The following MCTP2 variants were observed in gnomAD, a reference collection of about 807,000 sequenced individuals.
The protein encoded by MCTP2 is multiple C2 and transmembrane domain containing 2, also known as multiple C2 and transmembrane domain-containing protein 2.
In MCTP2, 132 loss-of-function variants were observed where a neutral mutation model predicts 111.6. The ratio of observed to expected loss-of-function variants is 1.18; its 90% CI spans 1.03 to 1.37. The LOEUF (loss-of-function observed/expected upper bound fraction) is 1.37. Among genes scored for constraint, MCTP2 ranks in the 40% most tolerant of loss-of-function variants. The probability of loss-of-function intolerance (pLI) is 0.00; values close to 1 mark genes in which losing one functional copy is unlikely to be tolerated. For missense variants in MCTP2, 1,183 were observed against 1,067.9 expected, an observed-to-expected ratio of 1.11 and a Z score of -1.50; for synonymous variants, 395 against 387.7, an observed-to-expected ratio of 1.02 and a Z score of -0.22.
chr15:94,307,028 G>T (rs892689325), intron 2 of MCTP2, among the ~76,000 whole-genome samples: 1 of 152,136 alleles, frequency 6.6e-6, no homozygotes, highest in Non-Finnish European at 1.5e-5. Context: ...GTGTCAGAGA[G>T]GCAGGTGTGT....
At chr15:94,303,580 A>C (rs1181885643) in intron 2 of MCTP2, among the ~76,000 whole-genome samples, 1 of 152,116 alleles carries the variant, frequency 6.6e-6, no homozygotes, top group Non-Finnish European at 1.5e-5. Context: ...CCAGTCATAA[A>C]ACCATCAGAT....
rs756631588 is a variant in MCTP2 at position 94,384,020 on chromosome 15, A to T, written c.1583-2A>T. ...TGACCGATGTGTATGTTATCTTTCC[A>T]GGGAAGAGTGACCCATTTTGCTTGT... On this transcript the variant is annotated splice_acceptor_variant, in intron 12 of 22. Coordinates refer to ENST00000357742, the MANE Select transcript of MCTP2 (RefSeq NM_001385001.1). LOFTEE classifies it high-confidence loss of function. 1.2e-6 allele frequency: 2 copies of T among 1,607,664 alleles called. No homozygotes were observed. The highest frequency in any genetic ancestry group is 1.3e-5 in the African/African-American group (1 of 74,898).
chr15:94,398,978 G>GA lies in MCTP2; in HGVS notation c.1808dup (p.Asn603LysfsTer8), dbSNP rs1421065462. ...TGTGACAGATTAGAGATGGACAACC[G>GA]AATTGTTATGTACTAAAGAATAAAG... On this transcript the variant is annotated frameshift_variant, in exon 15 of 23. Transcript: ENST00000357742. LOFTEE classifies it high-confidence loss of function. The GA allele has an allele frequency of 6.4e-7, 1 of 1,554,866 alleles. No individual in the cohort carries two copies. The highest frequency in any genetic ancestry group is 8.9e-7 in the Non-Finnish European group (1 of 1,127,412).
intron 2 of MCTP2, among the ~76,000 whole-genome samples, chr15:94,306,512 T>C (rs1171328338): frequency 6.6e-6 from 1 of 152,182 alleles, no homozygotes; most frequent in Admixed American, 6.5e-5. Context: ...AGTACAATTC[T>C]GCAAATGGGA....
At chr15:94,309,743 A>G (rs972158748) in intron 2 of MCTP2, among the ~76,000 whole-genome samples, 8 of 152,220 alleles carry the variant, frequency 5.3e-5, no homozygotes, top group Non-Finnish European at 1.2e-4. Flanking sequence ...TTCTTATGGT[A>G]GGAAAATCCA....
chr15:94,406,623 A>G (rs1337862146), intron 17 of MCTP2, among the ~76,000 whole-genome samples: 1 of 152,214 alleles, frequency 6.6e-6, no homozygotes, highest in Non-Finnish European at 1.5e-5. Flanking sequence ...CCAAACATGG[A>G]AATGCCCAGC....
intron 17 of MCTP2, 43 bp downstream of exon 17, chr15:94,402,062 G>A (rs1230599885): frequency 6.3e-7 from 1 of 1,596,862 alleles, no homozygotes. Context: ...CTTCTTATTT[G>A]CATCTATTCA....
At chr15:94,427,703 G>C (rs1362932994) in intron 17 of MCTP2, among the ~76,000 whole-genome samples, 1 of 152,080 alleles carries the variant, frequency 6.6e-6, no homozygotes, top group Non-Finnish European at 1.5e-5. Flanking sequence ...CAAACAAATA[G>C]GAATGAAACC....
chr15:94,442,162 G>A (rs557235869), intron 18 of MCTP2, among the ~76,000 whole-genome samples: 37 of 152,312 alleles, frequency 2.4e-4, no homozygotes, highest in African/African-American at 8.2e-4. Flanking sequence ...AAAATAGACC[G>A]TGTTGTCTAA....
intron 17 of MCTP2, 24 bp from the exon 18 acceptor site, chr15:94,440,152 T>G: frequency 7.4e-6 from 12 of 1,611,434 alleles, no homozygotes; most frequent in Middle Eastern, 1.7e-4. Flanking sequence ...AGCAGTCGTG[T>G]ATTCTTATTT....
At position 94,481,422 on chromosome 15, in the gene MCTP2, C is replaced by T. The variant is rs1011448500; in HGVS notation, c.*2388C>T. The T allele has an allele frequency of 6.6e-6, 1 of 152,222 alleles. No individual in the cohort carries two copies. The highest frequency in any genetic ancestry group is 1.5e-5 in the Non-Finnish European group (1 of 68,078). 9.4% of individuals were successfully genotyped at this position (152,222 alleles called of 1,614,324 possible). A position where few individuals can be genotyped will look rare whatever the true frequency, so the allele number is the denominator to read the frequency against. On this transcript the variant is annotated 3_prime_UTR_variant, in exon 23 of 23. Transcript: ENST00000357742. ...GTCCTCGTCTCCCAACCCCTAAAGC[C>T]TAGTAGGTCCAGTGTCAATGCATTA...
At chr15:94,443,047 C>CTTT (rs529237554) in intron 19 of MCTP2, 87 bp downstream of exon 19, 229 of 575,284 alleles carry the variant, frequency 4.0e-4, no homozygotes, top group South Asian at 1.4e-3. Flanking sequence ...TCTCTCCTCT[C>CTTT]TTTTTTTTTT....
intron 1 of MCTP2, among the ~76,000 whole-genome samples, chr15:94,244,673 C>G (rs983671789): frequency 6.8e-6 from 1 of 146,826 alleles, no homozygotes; most frequent in African/African-American, 2.6e-5. Flanking sequence ...TACATATCCA[C>G]CTATGTTTAT....
At chr15:94,318,723 C>T (rs1337135115) in intron 4 of MCTP2, among the ~76,000 whole-genome samples, 1 of 152,184 alleles carries the variant, frequency 6.6e-6, no homozygotes, top group Admixed American at 6.5e-5. Context: ...GATGCAGTTA[C>T]AGCAGATTCC....
At chr15:94,355,712 A>G (rs2078583270) in intron 8 of MCTP2, among the ~76,000 whole-genome samples, 1 of 152,256 alleles carries the variant, frequency 6.6e-6, no homozygotes, top group African/African-American at 2.4e-5. Flanking sequence ...TGTGAAGGAT[A>G]AATTCAAAGT....
intron 2 of MCTP2, among the ~76,000 whole-genome samples, chr15:94,310,569 G>A (rs984707353): frequency 1.3e-5 from 2 of 152,004 alleles, no homozygotes; most frequent in East Asian, 1.9e-4. Context: ...CGGGAAGATC[G>A]CTTAAGGCTA....
intron 1 of MCTP2, among the ~76,000 whole-genome samples, chr15:94,285,293 C>T (rs1219015081): frequency 6.6e-6 from 1 of 152,170 alleles, no homozygotes; most frequent in Non-Finnish European, 1.5e-5. Flanking sequence ...CTCTACCTAA[C>T]ATGTGCTCAA....
At chr15:94,280,886 T>A (rs904341912) in intron 1 of MCTP2, among the ~76,000 whole-genome samples, 1 of 152,164 alleles carries the variant, frequency 6.6e-6, no homozygotes, top group African/African-American at 2.4e-5. Flanking sequence ...ATTTCCATGT[T>A]ATTGTGTGGT....
chr15:94,236,421 G>T (rs913864343), intron 1 of MCTP2, among the ~76,000 whole-genome samples: 2 of 115,798 alleles, frequency 1.7e-5, no homozygotes, highest in Non-Finnish European at 3.3e-5. Flanking sequence ...ATAGCCCCAT[G>T]GTGTCAAGCA....
Sources: gnomAD v4.1 joint callset for allele counts (sites outside exome capture counted in the v4.1 genomes callset) on GRCh38, gnomAD v4.1.1 for gene constraint, MANE v1.5 for transcripts, NCBI Gene and HGNC (gene_info 2026-07-23, HGNC 2026-07-21) for gene names.